PACRG: variants seen among roughly 807,000 people sequenced by gnomAD.
The protein encoded by PACRG is parkin coregulated gene protein.
Under a neutral mutation model 29.7 loss-of-function variants are expected in PACRG, and 29 were observed. That is an observed-to-expected ratio of 0.98 (90% CI 0.73 to 1.33). The LOEUF (loss-of-function observed/expected upper bound fraction) is 1.33. PACRG is among the 40% of genes most tolerant of loss of function. The probability of loss-of-function intolerance (pLI) is 0.00; values close to 1 mark genes in which losing one functional copy is unlikely to be tolerated. For synonymous variants in PACRG, 116 were observed against 118.7 expected (o/e 0.98, Z 0.15); for missense variants, 279 against 316.2 (o/e 0.88, Z 0.89).
Position 163,036,355 on chromosome 6 carries a change from C to T in PACRG, c.292-25795C>T, listed in dbSNP as rs115075288. Among the ~76,000 whole-genome samples the T allele has an allele frequency of 4.6e-3, 699 of 152,266 alleles. 4 individuals carry two copies. Among genetic ancestry groups the T allele is most frequent in the African/African-American group, 0.016 (649 of 41,542 alleles). ...GACAGTACTGAATCTGACTCACAGC[C>T]GCATTCTGGAAACTGCTAGGCTGCA... is the stretch of plus-strand genomic sequence containing the variant. On this transcript the variant is annotated intron_variant, in intron 2 of 4. Transcript: ENST00000366888.
chr6:163,309,136 T>C (rs755552288), intron 4 of PACRG, among the ~76,000 whole-genome samples: 1 of 152,214 alleles, frequency 6.6e-6, no homozygotes, highest in Admixed American at 6.5e-5. Flanking sequence ...CGACAAATGC[T>C]GGGTACGGAA....
chr6:163,251,725 C>A (rs1782912195), intron 4 of PACRG, among the ~76,000 whole-genome samples: 1 of 152,138 alleles, frequency 6.6e-6, no homozygotes. Flanking sequence ...TATTGGCATG[C>A]AATGTAAAAT....
intron 1 of PACRG, among the ~76,000 whole-genome samples, chr6:162,757,105 T>C (rs1436477815): frequency 1.3e-5 from 2 of 152,200 alleles, no homozygotes; most frequent in African/African-American, 4.8e-5. Flanking sequence ...AATTTTGTTA[T>C]AGTTTTACTT....
intron 4 of PACRG, among the ~76,000 whole-genome samples, chr6:163,198,400 A>C (rs1780563046): frequency 1.3e-5 from 2 of 152,344 alleles, no homozygotes; most frequent in South Asian, 4.1e-4. Context: ...CACCATCTCC[A>C]TACTGCTTAT....
rs572724712 is a variant in PACRG at position 163,240,074 on chromosome 6, AC to A, written c.614-74746del. 5.1e-3 allele frequency among the ~76,000 whole-genome samples: 647 copies of A among 127,716 alleles called. 4 individuals carry two copies. The highest frequency in any genetic ancestry group is 0.018 in the African/African-American group (615 of 34,996). The allele number at this position is 127,716 out of a possible 152,430, so 83.8% of individuals were successfully genotyped here. A position where few individuals can be genotyped will look rare whatever the true frequency, so the allele number is the denominator to read the frequency against. Reference sequence around the variant, plus strand: ...CACATACACACACACTCACACCTCCACCCCCCCACACACACTCACACACACA... The same window carrying A: ...CACATACACACACACTCACACCTCCACCCCCCACACACACTCACACACACA... On this transcript the variant is annotated intron_variant, in intron 4 of 4. Coordinates refer to ENST00000366888, the MANE Select transcript of PACRG (RefSeq NM_001080379.2).
intron 2 of PACRG, among the ~76,000 whole-genome samples, chr6:162,958,024 A>C (rs1288057154): frequency 6.6e-6 from 1 of 152,208 alleles, no homozygotes; most frequent in East Asian, 1.9e-4. Context: ...CTTATGCTTT[A>C]GTGAGAAGGG....
chr6:162,992,137 T>C (rs1469881812), intron 2 of PACRG, among the ~76,000 whole-genome samples: 1 of 141,646 alleles, frequency 7.1e-6, no homozygotes, highest in Non-Finnish European at 1.5e-5. Flanking sequence ...CTGGATTCGG[T>C]TTGCCAGTAT....
chr6:163,313,102 A>G (rs60293592), intron 4 of PACRG, among the ~76,000 whole-genome samples: 31,415 of 150,562 alleles, frequency 0.21, 3,485 homozygotes, highest in African/African-American at 0.26. Flanking sequence ...TCGTGTGTGT[A>G]TATATATATA....
rs75236216 is a variant in PACRG at position 162,883,560 on chromosome 6, C to T, written c.291+69279C>T. On this transcript the variant is annotated intron_variant, in intron 2 of 4. Transcript: ENST00000366888. ...ATATTTATTACCCTCTTTTTAATCA[C>T]ATCTTTAATTTTATCGGTTTTTAAA... Among the ~76,000 whole-genome samples, 226 of 152,182 alleles carry T rather than the reference C, an allele frequency of 1.5e-3. 2 individuals carry two copies. The East Asian group carries it at 0.019, about 12-fold the overall frequency.
intron 4 of PACRG, among the ~76,000 whole-genome samples, chr6:163,252,468 G>A (rs978161191): frequency 9.9e-5 from 15 of 152,224 alleles, no homozygotes; most frequent in Non-Finnish European, 2.2e-4. Context: ...GCCGGAGAGG[G>A]CTGGGTCCCG....
At chr6:162,795,381 T>G (rs1328474664) in intron 1 of PACRG, among the ~76,000 whole-genome samples, 1 of 152,328 alleles carries the variant, frequency 6.6e-6, no homozygotes, top group South Asian at 2.1e-4. Flanking sequence ...AATTTTATTC[T>G]ACCTGGATGG....
chr6:163,110,972 TCCAAATATGCTCTTC>T (rs1815681174), intron 4 of PACRG, among the ~76,000 whole-genome samples: 2 of 152,328 alleles, frequency 1.3e-5, no homozygotes, highest in African/African-American at 4.8e-5. Flanking sequence ...ATGTGTCAAA[TCCAAATATGCTCTTC>T]CCTCTTCCTG....
chr6:163,265,361 C>T (rs1044798729), intron 4 of PACRG, among the ~76,000 whole-genome samples: 6 of 151,994 alleles, frequency 3.9e-5, no homozygotes, highest in African/African-American at 1.2e-4. Context: ...CTCCAGTGCC[C>T]GTCAGGAATG....
Position 162,745,377 on chromosome 6 carries a change from C to A in PACRG, c.156+16986C>A, listed in dbSNP as rs1441275379. Among the ~76,000 whole-genome samples, 5 of 151,972 alleles carry A rather than the reference C, an allele frequency of 3.3e-5. No individual in the cohort carries two copies. In the East Asian group the frequency reaches 9.7e-4, roughly 30 times the overall value. On this transcript the variant is annotated intron_variant, in intron 1 of 4. Transcript: ENST00000366888. ...GGGAGGGGAACAACACACACAGGGG[C>A]CTTTCGGGGGATGTGGGGTGAGGGG...
At position 162,975,829 on chromosome 6, in the gene PACRG, C is replaced by A. The variant is rs1464818545; in HGVS notation, c.292-86321C>A. 5.3e-5 allele frequency among the ~76,000 whole-genome samples: 8 copies of A among 151,992 alleles called. No homozygotes were observed. The East Asian group carries it at 1.5e-3, about 29-fold the overall frequency. ...TCCTTCTTGCCTTCCTTCCTCCCTT[C>A]CTCCCTCTCTCCCTCCCTCCCTTCC... is the stretch of plus-strand genomic sequence containing the variant. On this transcript the variant is annotated intron_variant, in intron 2 of 4. Transcript: ENST00000366888.
At chr6:163,191,806 T>G (rs1056860911) in intron 4 of PACRG, 25 of 455,516 alleles carry the variant, frequency 5.5e-5, no homozygotes, top group African/African-American at 5.0e-4. Flanking sequence ...TCCAGCCACC[T>G]TTTTTCTCTA....
intron 4 of PACRG, among the ~76,000 whole-genome samples, chr6:163,224,879 G>A (rs1272166434): frequency 1.3e-5 from 2 of 152,048 alleles, no homozygotes; most frequent in Non-Finnish European, 2.9e-5. Flanking sequence ...CTTCTGTACA[G>A]CAAAGGAAAT....
chr6:163,290,308 A>G (rs1444078884), intron 4 of PACRG, among the ~76,000 whole-genome samples: 1 of 142,290 alleles, frequency 7.0e-6, no homozygotes, highest in African/African-American at 2.5e-5. Flanking sequence ...ACACACACAC[A>G]CACACACACA....
intron 1 of PACRG, among the ~76,000 whole-genome samples, chr6:162,802,823 T>G (rs1482583497): frequency 6.6e-6 from 1 of 152,208 alleles, no homozygotes. Flanking sequence ...TTGTTGAATT[T>G]TATGGTATCA....
Sources: gnomAD v4.1 joint callset for allele counts (sites outside exome capture counted in the v4.1 genomes callset) on GRCh38, gnomAD v4.1.1 for gene constraint, MANE v1.5 for transcripts, NCBI Gene and HGNC (gene_info 2026-07-23, HGNC 2026-07-21) for gene names.